The following LRBA variants were observed in gnomAD, a reference collection of about 807,000 sequenced individuals.
LRBA encodes the protein LPS responsive beige-like anchor protein, also known as lipopolysaccharide-responsive and beige-like anchor protein.
A neutral mutation model predicts 330.0 loss-of-function variants in LRBA; 176 were observed. The ratio of observed to expected loss-of-function variants is 0.53; its 90% CI spans 0.47 to 0.60. The LOEUF is 0.60. Among genes scored for constraint, LRBA ranks in the 20% least tolerant of loss-of-function variants. LRBA has a pLI of 0.00. For synonymous variants in LRBA, 1,230 were observed against 1,193.0 expected (o/e 1.03, Z -0.64); for missense variants, 3,259 against 3,444.8 (o/e 0.95, Z 1.35).
At chr4:150,728,182 C>A (rs537529102) in intron 36 of LRBA, among the ~76,000 whole-genome samples, 6 of 152,050 alleles carry the variant, frequency 3.9e-5, no homozygotes, top group Non-Finnish European at 8.8e-5. Context: ...ACCTAACAGA[C>A]CAATAACAAG....
chr4:150,958,557 T>A lies in LRBA; in HGVS notation c.217-29492A>T, dbSNP rs1212120. ...TTAACATTTGGCTCCTCTTTACTTA[T>A]GCAAATTTCTGCAGCTGGCTTGAAT... is the stretch of plus-strand genomic sequence containing the variant. On this transcript the variant is annotated intron_variant, in intron 2 of 56. Coordinates refer to ENST00000651943, the MANE Select transcript of LRBA (RefSeq NM_001364905.1). 6.7e-3 allele frequency among the ~76,000 whole-genome samples: 995 copies of A among 149,486 alleles called. 21 individuals are homozygous for A. The highest frequency in any genetic ancestry group is 0.017 in the Middle Eastern group (5 of 294).
At chr4:150,741,099 G>A (rs1378541314) in intron 35 of LRBA, among the ~76,000 whole-genome samples, 2 of 151,982 alleles carry the variant, frequency 1.3e-5, no homozygotes, top group African/African-American at 4.8e-5. Flanking sequence ...CTTCCTGACT[G>A]GGTCGATGTA....
At chr4:150,996,509 T>C (rs1433726938) in intron 2 of LRBA, among the ~76,000 whole-genome samples, 2 of 152,088 alleles carry the variant, frequency 1.3e-5, no homozygotes, top group Non-Finnish European at 2.9e-5. Flanking sequence ...ATTAGCAAAA[T>C]AACAGAAAAT....
intron 2 of LRBA, among the ~76,000 whole-genome samples, chr4:150,931,112 C>T (rs986271887): frequency 3.3e-5 from 5 of 151,840 alleles, no homozygotes; most frequent in Non-Finnish European, 5.9e-5. Context: ...GTATTATTTC[C>T]TAATATTGTC....
intron 37 of LRBA, among the ~76,000 whole-genome samples, chr4:150,650,594 T>C (rs911693496): frequency 6.6e-6 from 1 of 152,084 alleles, no homozygotes; most frequent in Admixed American, 6.5e-5. Flanking sequence ...TACAACAAAA[T>C]GTATAAATTG....
chr4:150,793,068 G>A (rs1299575700), intron 34 of LRBA, among the ~76,000 whole-genome samples: 2 of 150,106 alleles, frequency 1.3e-5, no homozygotes, highest in African/African-American at 4.9e-5. Flanking sequence ...CGACAAGAGC[G>A]AAACTCCATC....
At chr4:150,587,503 T>C (rs1361468304) in intron 40 of LRBA, among the ~76,000 whole-genome samples, 1 of 152,218 alleles carries the variant, frequency 6.6e-6, no homozygotes, top group African/African-American at 2.4e-5. Flanking sequence ...ATGAGAAATA[T>C]ATTTTAAAGG....
chr4:150,963,669 C>G (rs1416610563), intron 2 of LRBA, among the ~76,000 whole-genome samples: 1 of 148,690 alleles, frequency 6.7e-6, no homozygotes, highest in Non-Finnish European at 1.5e-5. Flanking sequence ...CGAGGAGCCC[C>G]TCTGCCTGGC....
intron 37 of LRBA, among the ~76,000 whole-genome samples, chr4:150,653,934 A>G (rs987497134): frequency 6.6e-6 from 1 of 152,204 alleles, no homozygotes; most frequent in African/African-American, 2.4e-5. Flanking sequence ...GAGTAACAAT[A>G]GCAATACTAC....
chr4:150,475,820 C>T (rs1756641940), intron 42 of LRBA, among the ~76,000 whole-genome samples: 1 of 151,602 alleles, frequency 6.6e-6, no homozygotes, highest in Non-Finnish European at 1.5e-5. Flanking sequence ...GGGAGGGTGG[C>T]TTGAGCCCAG....
intron 2 of LRBA, among the ~76,000 whole-genome samples, chr4:150,949,775 T>G (rs1736634660): frequency 6.6e-6 from 1 of 151,758 alleles, no homozygotes; most frequent in African/African-American, 2.4e-5. Flanking sequence ...ACTCGTAAGT[T>G]CAAATTCTGA....
intron 37 of LRBA, among the ~76,000 whole-genome samples, chr4:150,651,349 C>A (rs1322446569): frequency 6.6e-6 from 1 of 152,094 alleles, no homozygotes; most frequent in Non-Finnish European, 1.5e-5. Flanking sequence ...ATCCTGTTAA[C>A]CACTGAATGG....
chr4:150,708,618 G>A (rs1352900596), intron 36 of LRBA, among the ~76,000 whole-genome samples: 1 of 151,730 alleles, frequency 6.6e-6, no homozygotes, highest in East Asian at 1.9e-4. Flanking sequence ...ACAAATGCTA[G>A]TTTGACTATT....
chr4:150,745,554 C>T lies in LRBA; in HGVS notation c.5646-10188G>A, dbSNP rs574057326. Among the ~76,000 whole-genome samples, 14 of 152,222 alleles carry T rather than the reference C, an allele frequency of 9.2e-5. No homozygotes were observed. In the East Asian group the frequency reaches 1.9e-3, roughly 21 times the overall value. On this transcript the variant is annotated intron_variant, in intron 35 of 56. Transcript: ENST00000651943. The stretch of plus-strand genomic sequence containing the variant: ...TTTTGGAGATGGAGTCTTACTCTGT[C>T]GCCCAGGCTGGAGTGCAGTGGCACG...
chr4:150,311,962 T>A (rs12512965), intron 51 of LRBA, among the ~76,000 whole-genome samples: 6,633 of 152,244 alleles, frequency 0.044, 230 homozygotes, highest in East Asian at 0.18. Flanking sequence ...TGTGGTACTT[T>A]CTGCACTGGT....
At chr4:150,831,425 T>C (rs1747169719) in intron 29 of LRBA, among the ~76,000 whole-genome samples, 1 of 152,174 alleles carries the variant, frequency 6.6e-6, no homozygotes, top group East Asian at 1.9e-4. Flanking sequence ...ACTTCTATAA[T>C]TGCAACAGCT....
intron 2 of LRBA, among the ~76,000 whole-genome samples, chr4:150,963,949 C>T (rs901933281): frequency 1.4e-5 from 2 of 147,658 alleles, no homozygotes; most frequent in East Asian, 3.9e-4. Flanking sequence ...TCTGCCCTGC[C>T]GCGACCCCGT....
intron 47 of LRBA, among the ~76,000 whole-genome samples, chr4:150,375,201 A>G (rs1228576118): frequency 6.6e-6 from 1 of 152,176 alleles, no homozygotes; most frequent in Non-Finnish European, 1.5e-5. Flanking sequence ...TGAAGCAGGC[A>G]GGAAGCGGGA....
chr4:150,875,212 G>T (rs1753870798), intron 17 of LRBA, among the ~76,000 whole-genome samples: 1 of 152,190 alleles, frequency 6.6e-6, no homozygotes, highest in Admixed American at 6.5e-5. Flanking sequence ...ATAACTGCTT[G>T]CCTGGTTCAG....
Sources: gnomAD v4.1 joint callset for allele counts (sites outside exome capture counted in the v4.1 genomes callset) on GRCh38, gnomAD v4.1.1 for gene constraint, MANE v1.5 for transcripts, NCBI Gene and HGNC (gene_info 2026-07-23, HGNC 2026-07-21) for gene names.